The following HMGA2 variants were observed in gnomAD, a reference collection of about 807,000 sequenced individuals.
HMGA2 encodes the protein high mobility group AT-hook 2.
In HMGA2, 8 loss-of-function variants were observed where a neutral mutation model predicts 19.1. The observed-to-expected ratio is 0.42, with a 90% CI of 0.25 to 0.76. The LOEUF (loss-of-function observed/expected upper bound fraction) is 0.76. HMGA2 is among the 30% of genes least tolerant of loss of function. HMGA2 has a pLI of 0.28. For missense variants in HMGA2, 109 were observed against 136.3 expected, an observed-to-expected ratio of 0.80 and a Z score of 1.00; for synonymous variants, 60 against 48.8, an observed-to-expected ratio of 1.23 and a Z score of -0.96.
At chr12:65,936,773 A>G (rs1342332520) in intron 3 of HMGA2, among the ~76,000 whole-genome samples, 1 of 152,164 alleles carries the variant, frequency 6.6e-6, no homozygotes, top group Non-Finnish European at 1.5e-5. Flanking sequence ...CAGCAACCCA[A>G]TGAGGAATCC....
chr12:65,846,558 A>C (rs190677661), intron 3 of HMGA2, among the ~76,000 whole-genome samples: 2 of 152,348 alleles, frequency 1.3e-5, no homozygotes, highest in Admixed American at 6.5e-5. Flanking sequence ...GTGCCTGTTT[A>C]AACGTGATGT....
intron 3 of HMGA2, among the ~76,000 whole-genome samples, chr12:65,941,015 G>A (rs986407840): frequency 1.2e-4 from 18 of 152,122 alleles, no homozygotes; most frequent in Admixed American, 6.5e-4. Flanking sequence ...GAATGTGATC[G>A]TGAAGCCGAG....
chr12:65,885,132 T>G (rs906912357), intron 3 of HMGA2, among the ~76,000 whole-genome samples: 1 of 152,212 alleles, frequency 6.6e-6, no homozygotes, highest in African/African-American at 2.4e-5. Flanking sequence ...ATTTATTCCT[T>G]AGAACTTTAT....
chr12:65,948,799 A>T (rs1385662362), intron 3 of HMGA2, among the ~76,000 whole-genome samples: 1 of 152,220 alleles, frequency 6.6e-6, no homozygotes, highest in African/African-American at 2.4e-5. Flanking sequence ...CTTTCCCCTC[A>T]TTGAAGTGTC....
chr12:65,827,510 C>A lies in HMGA2; in HGVS notation c.112-491C>A, dbSNP rs142020169. Among the ~76,000 whole-genome samples, 31 of 151,668 alleles carry A rather than the reference C, an allele frequency of 2.0e-4. 1 individual carries two copies. In the East Asian group the frequency reaches 5.4e-3, roughly 27 times the overall value. On this transcript the variant is annotated intron_variant, in intron 1 of 4. Transcript: ENST00000403681. Reference sequence around the variant, plus strand: ...CAAAATGTGTCAGTTGAATCATAATCCACCTAGAAGGCAGGTATACAAAGA... The same window carrying A: ...CAAAATGTGTCAGTTGAATCATAATACACCTAGAAGGCAGGTATACAAAGA...
intron 3 of HMGA2, among the ~76,000 whole-genome samples, chr12:65,905,730 T>C (rs1874564121): frequency 6.6e-6 from 1 of 152,202 alleles, no homozygotes; most frequent in Admixed American, 6.5e-5. Context: ...AACACATATA[T>C]TCTTAAACTA....
chr12:65,835,308 G>A, intron 2 of HMGA2, among the ~76,000 whole-genome samples: 1 of 152,148 alleles, frequency 6.6e-6, no homozygotes, highest in East Asian at 1.9e-4. Context: ...AAAAATCCTG[G>A]ATCTAAGCTG....
chr12:65,953,204 G>T (rs564733567), intron 4 of HMGA2: 1 of 152,210 alleles, frequency 6.6e-6, no homozygotes, highest in South Asian at 2.1e-4. Flanking sequence ...CTCCCTAAGT[G>T]AGTTTAATAT....
At chr12:65,845,021 T>G (rs947101277) in intron 3 of HMGA2, among the ~76,000 whole-genome samples, 1 of 152,242 alleles carries the variant, frequency 6.6e-6, no homozygotes, top group East Asian at 1.9e-4. Flanking sequence ...TGTAAGACTT[T>G]CCTTACACAG....
rs1876819952 is a variant in HMGA2 at position 65,963,625 on chromosome 12, T to C, written c.*333T>C. 2 of 409,738 alleles carry C rather than the reference T, an allele frequency of 4.9e-6. No individual in the cohort carries two copies. The highest frequency in any genetic ancestry group is 4.4e-5 in the East Asian group (1 of 22,532). The allele number at this position is 409,738 out of a possible 1,614,324, so 25.4% of individuals were successfully genotyped here. Reference sequence around the variant, plus strand: ...AGTTTGTTGATCTGATAAGCAAGAGTGGGCGGGTGAGAAAAACCGAATTGG... The same window carrying C: ...AGTTTGTTGATCTGATAAGCAAGAGCGGGCGGGTGAGAAAAACCGAATTGG... On this transcript the variant is annotated 3_prime_UTR_variant, in exon 5 of 5. Transcript: ENST00000403681.
intron 3 of HMGA2, among the ~76,000 whole-genome samples, chr12:65,839,286 G>T (rs2120877006): frequency 6.6e-6 from 1 of 152,020 alleles, no homozygotes; most frequent in East Asian, 1.9e-4. Flanking sequence ...TCCCTTGTTT[G>T]CTGTGTTACC....
chr12:65,946,141 T>C (rs1167853516), intron 3 of HMGA2, among the ~76,000 whole-genome samples: 2 of 152,194 alleles, frequency 1.3e-5, no homozygotes, highest in African/African-American at 4.8e-5. Context: ...GAAATTAGGG[T>C]TTTTACATTC....
chr12:65,909,738 C>T (rs766317447), intron 3 of HMGA2, among the ~76,000 whole-genome samples: 8 of 152,172 alleles, frequency 5.3e-5, no homozygotes, highest in Admixed American at 2.6e-4. Flanking sequence ...AGCACATCCA[C>T]GGGCATGAAT....
chr12:65,930,628 T>C (rs1421539548), intron 3 of HMGA2, among the ~76,000 whole-genome samples: 1 of 152,188 alleles, frequency 6.6e-6, no homozygotes, highest in Non-Finnish European at 1.5e-5. Context: ...CAGGCTGTCA[T>C]TTCCTCCCCC....
chr12:65,907,172 G>A (rs934888270), intron 3 of HMGA2, among the ~76,000 whole-genome samples: 7 of 151,950 alleles, frequency 4.6e-5, no homozygotes, highest in African/African-American at 7.3e-5. Flanking sequence ...CGAGGCAGGC[G>A]GATCACGAGG....
chr12:65,866,348 C>A (rs941480835), intron 3 of HMGA2, among the ~76,000 whole-genome samples: 1 of 152,048 alleles, frequency 6.6e-6, no homozygotes, highest in Non-Finnish European at 1.5e-5. Flanking sequence ...GAAAAGTGAA[C>A]CAAGTTAATG....
intron 3 of HMGA2, among the ~76,000 whole-genome samples, chr12:65,873,526 G>GT (rs1238612933): frequency 6.6e-6 from 1 of 152,140 alleles, no homozygotes; most frequent in Non-Finnish European, 1.5e-5. Context: ...GAGGAGAGAT[G>GT]TCCAGTGTCA....
chr12:65,952,303 A>C, intron 4 of HMGA2: 1 of 1,303,380 alleles, frequency 7.7e-7, no homozygotes, highest in Non-Finnish European at 1.1e-6. Context: ...GTATCCATGA[A>C]ATTTTTTTCC....
At chr12:65,922,262 C>G (rs1369295988) in intron 3 of HMGA2, among the ~76,000 whole-genome samples, 1 of 152,164 alleles carries the variant, frequency 6.6e-6, no homozygotes, top group African/African-American at 2.4e-5. Flanking sequence ...CAACACCAGC[C>G]CATGAAAGCA....
Sources: gnomAD v4.1 joint callset for allele counts (sites outside exome capture counted in the v4.1 genomes callset) on GRCh38, gnomAD v4.1.1 for gene constraint, MANE v1.5 for transcripts, NCBI Gene and HGNC (gene_info 2026-07-23, HGNC 2026-07-21) for gene names.